Variants in HS6ST2 observed in about 807,000 individuals in gnomAD.
HS6ST2 encodes heparan-sulfate 6-O-sulfotransferase 2.
HS6ST2 carries 17 observed loss-of-function variants against 33.0 expected under a neutral mutation model. That is an observed-to-expected ratio of 0.52 (90% CI 0.35 to 0.77). The LOEUF (loss-of-function observed/expected upper bound fraction) is 0.77. HS6ST2 is among the 30% of genes least tolerant of loss of function. HS6ST2 has a pLI of 0.01. For missense variants in HS6ST2, 519 were observed against 551.7 expected (o/e 0.94, Z 0.59); for synonymous variants, 248 against 237.1 (o/e 1.05, Z -0.42).
At chrX:132,865,601 A>G (rs1395212346) in intron 2 of HS6ST2, among the ~76,000 whole-genome samples, 1 of 111,178 alleles carries the variant, frequency 9.0e-6, no homozygotes, top group Non-Finnish European at 1.9e-5. Flanking sequence ...CCAACAGTGT[A>G]AAAGTGTTCC....
intron 2 of HS6ST2, among the ~76,000 whole-genome samples, chrX:132,925,624 G>C (rs2148481988): frequency 8.9e-6 from 1 of 111,877 alleles, no homozygotes; most frequent in East Asian, 2.8e-4. Flanking sequence ...TGAGTGTATA[G>C]AGGAAAGAAA....
chrX:132,907,966 C>G, intron 2 of HS6ST2, among the ~76,000 whole-genome samples: 1 of 111,781 alleles, frequency 8.9e-6, no homozygotes, highest in Non-Finnish European at 1.9e-5. Flanking sequence ...CAAAGAACAT[C>G]AAGAAAGAAA....
intron 2 of HS6ST2, among the ~76,000 whole-genome samples, chrX:132,782,015 G>C (rs949322517): frequency 5.4e-5 from 6 of 111,972 alleles, no homozygotes; most frequent in Non-Finnish European, 9.4e-5. Flanking sequence ...TCTGCAGAAG[G>C]TTGTGAGCAG....
At chrX:132,694,674 GAGCCAGCTAGTAGGCTTTTACAGA>G (rs1479334332) in intron 3 of HS6ST2, among the ~76,000 whole-genome samples, 1 of 111,180 alleles carries the variant, frequency 9.0e-6, no homozygotes, top group East Asian at 2.8e-4. Flanking sequence ...GGAAGCAGGG[GAGCCAGCTAGTAGGCTTTTACAGA>G]AGCCCATGTA....
In HS6ST2 at chrX:132,805,659, A is replaced by T. The variant is rs765835116; in HGVS notation, c.948-97165T>A. 3.0e-3 allele frequency among the ~76,000 whole-genome samples: 332 copies of T among 110,219 alleles called. 15 individuals carry two copies. Among genetic ancestry groups the T allele is most frequent in the Non-Finnish European group, 5.1e-3 (267 of 52,127 alleles). ...ACTGCGACCACAGGCCAGACACAAG[A>T]TGAATCTGAGGACCAGAGCTCCAGA... On this transcript the variant is annotated intron_variant, in intron 2 of 4. Transcript: ENST00000370833.
intron 3 of HS6ST2, among the ~76,000 whole-genome samples, chrX:132,690,994 G>A (rs967144743): frequency 1.8e-5 from 2 of 111,629 alleles, no homozygotes; most frequent in South Asian, 3.8e-4. Context: ...ATCGTTGGTC[G>A]CATTATTATG....
At chrX:132,875,501 A>G (rs916418095) in intron 2 of HS6ST2, among the ~76,000 whole-genome samples, 3 of 110,911 alleles carry the variant, frequency 2.7e-5, no homozygotes, top group Admixed American at 9.6e-5. Flanking sequence ...AAAAAATGTG[A>G]AAAAAAAGTC....
chrX:132,689,969 G>C (rs1432861691), intron 3 of HS6ST2, among the ~76,000 whole-genome samples: 6 of 110,630 alleles, frequency 5.4e-5, no homozygotes, highest in Non-Finnish European at 1.1e-4. Context: ...CTTCCAATGT[G>C]ACCCAGGGAA....
chrX:132,868,517 C>T (rs1203007349), intron 2 of HS6ST2, among the ~76,000 whole-genome samples: 2 of 111,756 alleles, frequency 1.8e-5, no homozygotes, highest in African/African-American at 6.5e-5. Flanking sequence ...TAAAACTGAC[C>T]ACATAATTGG....
intron 2 of HS6ST2, among the ~76,000 whole-genome samples, chrX:132,742,866 A>T (rs1332186485): frequency 1.8e-5 from 2 of 112,306 alleles, no homozygotes; most frequent in Non-Finnish European, 3.8e-5. Context: ...TAAGCCTTAT[A>T]GAGTCCTGTC....
chrX:132,839,698 C>T (rs1030635480), intron 2 of HS6ST2, among the ~76,000 whole-genome samples: 7 of 110,245 alleles, frequency 6.3e-5, no homozygotes, highest in Admixed American at 1.9e-4. Flanking sequence ...AATTTATACA[C>T]ATAAAAAAAA....
At chrX:132,903,785 T>C (rs1442464654) in intron 2 of HS6ST2, among the ~76,000 whole-genome samples, 1 of 112,579 alleles carries the variant, frequency 8.9e-6, no homozygotes, top group Non-Finnish European at 1.9e-5. Flanking sequence ...TTTCACAATC[T>C]ATAATATATA....
intron 2 of HS6ST2, among the ~76,000 whole-genome samples, chrX:132,836,632 C>T (rs753347535): frequency 1.5e-4 from 17 of 112,957 alleles, no homozygotes; most frequent in Admixed American, 8.4e-4. Flanking sequence ...CTCATATCTG[C>T]CCTGGCCAAT....
chrX:132,694,682 T>C (rs993077975), intron 3 of HS6ST2, among the ~76,000 whole-genome samples: 1 of 111,230 alleles, frequency 9.0e-6, no homozygotes. Flanking sequence ...GGGAGCCAGC[T>C]AGTAGGCTTT....
At chrX:132,881,449 A>C (rs1191320767) in intron 2 of HS6ST2, among the ~76,000 whole-genome samples, 5 of 103,102 alleles carry the variant, frequency 4.8e-5, no homozygotes, top group African/African-American at 1.4e-4. Context: ...CTGTTCATAT[A>C]CTTTGCCTAC....
At chrX:132,921,474 T>TA in intron 2 of HS6ST2, among the ~76,000 whole-genome samples, 1 of 112,296 alleles carries the variant, frequency 8.9e-6, no homozygotes, top group African/African-American at 3.2e-5. Context: ...TTATGGTGCT[T>TA]AAAAATTATA....
chrX:132,673,313 A>G (rs1012860629), intron 3 of HS6ST2, among the ~76,000 whole-genome samples: 24 of 112,530 alleles, frequency 2.1e-4, no homozygotes, highest in Middle Eastern at 4.6e-3. Flanking sequence ...AAGAAGTGTC[A>G]TGATTGAGTA....
At chrX:132,721,741 A>G (rs939650188) in intron 2 of HS6ST2, among the ~76,000 whole-genome samples, 2 of 112,090 alleles carry the variant, frequency 1.8e-5, no homozygotes, top group Non-Finnish European at 3.8e-5. Context: ...AATTGGACTC[A>G]ATGCATTATT....
intron 2 of HS6ST2, among the ~76,000 whole-genome samples, chrX:132,727,599 T>C (rs755891482): frequency 1.8e-5 from 2 of 111,254 alleles, no homozygotes; most frequent in Admixed American, 9.5e-5. Context: ...AGCCACGGAT[T>C]CAGGTGTTTT....
Sources: allele counts gnomAD v4.1 joint callset (sites outside exome capture counted in the v4.1 genomes callset), GRCh38; gene constraint gnomAD v4.1.1; transcripts MANE v1.5; gene names NCBI Gene and HGNC (gene_info 2026-07-23, HGNC 2026-07-21).